SERF2: variants seen among roughly 807,000 people sequenced by gnomAD.
SERF2 encodes gastric cancer-related protein VRG107.
In SERF2, 4 loss-of-function variants were observed where a neutral mutation model predicts 10.7. That is an observed-to-expected ratio of 0.37 (90% CI 0.18 to 0.86). SERF2 has a LOEUF of 0.86. Among genes scored for constraint, SERF2 ranks in the 40% least tolerant of loss-of-function variants. The pLI is 0.43. For synonymous variants in SERF2, 26 were observed against 26.0 expected (o/e 1.00, Z 0.01); for missense variants, 47 against 79.1 (o/e 0.59, Z 1.54).
chr15:43,787,955 A>G (rs149805408), upstream of SERF2, among the ~76,000 whole-genome samples: 270 of 148,104 alleles, frequency 1.8e-3, 2 homozygotes, highest in African/African-American at 6.5e-3. Flanking sequence ...GCTCACTGCA[A>G]CCTCCTCCTC....
At position 43,793,964 on chromosome 15, in the gene SERF2, C is replaced by T. The variant is rs756987277; in HGVS notation, c.*191C>T. ...AGCCTCTCTCCCCCTGGGCCACTCC[C>T]GGGGGTGAGGGGGTTACCCCTTCCC... On this transcript the variant is annotated 3_prime_UTR_variant, in exon 3 of 3. Transcript: ENST00000249786. The T allele has an allele frequency of 1.3e-5, 20 of 1,541,358 alleles. No individual in the cohort carries two copies. Among genetic ancestry groups the T allele is most frequent in the Non-Finnish European group, 1.6e-5 (18 of 1,142,738 alleles).
At chr15:43,792,721 G>T in intron 1 of SERF2, 1 of 970,942 alleles carries the variant, frequency 1.0e-6, no homozygotes, top group Non-Finnish European at 1.5e-6. Flanking sequence ...CAGCTGTTTG[G>T]GCCCCACGCC....
chr15:43,779,493 A>C (rs1370607665), intron 1 of SERF2, among the ~76,000 whole-genome samples: 1 of 152,026 alleles, frequency 6.6e-6, no homozygotes, highest in East Asian at 1.9e-4. Flanking sequence ...TTACATATTT[A>C]TTTATTTATT....
chr15:43,792,845 G>C (rs2087099809), intron 1 of SERF2, 130 bp from the exon 2 acceptor site: 2 of 744,318 alleles, frequency 2.7e-6, no homozygotes, highest in Non-Finnish European at 4.4e-6. Flanking sequence ...CCTGGGCCTC[G>C]ATGGGCCGTT....
intron 1 of SERF2, 163 bp from the exon 2 acceptor site, chr15:43,792,812 C>G: frequency 1.5e-6 from 1 of 674,754 alleles, no homozygotes; most frequent in Non-Finnish European, 2.5e-6. Context: ...GGCAGATTCG[C>G]CACTCCCCCC....
intron 1 of SERF2, among the ~76,000 whole-genome samples, chr15:43,781,894 CTTT>C (rs34126146): frequency 1.9e-5 from 1 of 53,220 alleles, no homozygotes; most frequent in Non-Finnish European, 7.2e-5. Context: ...ACTTCTTCTT[CTTT>C]TTTTTTTTTT....
At chr15:43,793,578 T>TG (rs1339761501) in intron 2 of SERF2, 132 bp from the exon 3 acceptor site, 1 of 1,559,500 alleles carries the variant, frequency 6.4e-7, no homozygotes, top group Non-Finnish European at 8.7e-7. Context: ...TCTCCTAGGG[T>TG]GGGAGTACAG....
intron 1 of SERF2, among the ~76,000 whole-genome samples, chr15:43,780,017 C>A (rs1272871277): frequency 6.6e-6 from 1 of 152,098 alleles, no homozygotes; most frequent in African/African-American, 2.4e-5. Context: ...GCTGTTAGAT[C>A]TTTAATACAT....
At chr15:43,784,148 TTGG>T (rs973916577) in intron 1 of SERF2, among the ~76,000 whole-genome samples, 3 of 152,036 alleles carry the variant, frequency 2.0e-5, no homozygotes, top group Admixed American at 2.0e-4. Flanking sequence ...TCTCAAAGTC[TTGG>T]TCTCAAGTGA....
intron 2 of SERF2, 93 bp downstream of exon 2, chr15:43,793,176 T>C: frequency 1.3e-6 from 1 of 780,748 alleles, no homozygotes; most frequent in Non-Finnish European, 2.2e-6. Context: ...GGCTTGAATG[T>C]GGACTAGTCG....
At chr15:43,784,625 C>G (rs1256463443) in intron 1 of SERF2, among the ~76,000 whole-genome samples, 2 of 152,012 alleles carry the variant, frequency 1.3e-5, no homozygotes, top group East Asian at 1.9e-4. Flanking sequence ...CCCGCCACTG[C>G]GCCCAGCTAA....
intron 1 of SERF2, among the ~76,000 whole-genome samples, chr15:43,778,563 C>T (rs1019646486): frequency 5.1e-5 from 5 of 97,716 alleles, no homozygotes; most frequent in African/African-American, 1.7e-4. Flanking sequence ...AGGCCAGGCG[C>T]GCTGGCAGAT....
At chr15:43,793,458 C>A in intron 2 of SERF2, 1 of 1,058,968 alleles carries the variant, frequency 9.4e-7, no homozygotes, top group South Asian at 1.7e-5. Context: ...GGGTGTGGTC[C>A]TCAATACAGA....
At chr15:43,783,156 C>T (rs561888443) in intron 1 of SERF2, among the ~76,000 whole-genome samples, 8 of 151,662 alleles carry the variant, frequency 5.3e-5, no homozygotes, top group Non-Finnish European at 8.8e-5. Context: ...TACAGGCATA[C>T]GCCACCACAC....
chr15:43,786,913 C>A (rs1596035166), intron 2 of SERF2, among the ~76,000 whole-genome samples: 1 of 152,086 alleles, frequency 6.6e-6, no homozygotes, highest in East Asian at 1.9e-4. Context: ...TCTGATCAGG[C>A]TAATTTAGGC....
chr15:43,780,421 C>T (rs1174437324), intron 1 of SERF2, among the ~76,000 whole-genome samples: 2 of 152,208 alleles, frequency 1.3e-5, no homozygotes, highest in Admixed American at 6.5e-5. Flanking sequence ...GGATTACAGG[C>T]GTCAGCCACC....
intron 2 of SERF2, among the ~76,000 whole-genome samples, chr15:43,787,137 C>T (rs2087014439): frequency 6.6e-6 from 1 of 151,482 alleles, no homozygotes; most frequent in Non-Finnish European, 1.5e-5. Context: ...GTAGCTGGGA[C>T]TACAGGCGCC....
Position 43,794,750 on chromosome 15 carries a change from T to C in SERF2, c.*977T>C. 1 of 463,100 alleles carries C rather than the reference T, an allele frequency of 2.2e-6. No individual in the cohort carries two copies. The highest frequency in any genetic ancestry group is 3.5e-5 in the East Asian group (1 of 28,698). The allele number at this position is 463,100 out of a possible 1,614,324, so 28.7% of individuals were successfully genotyped here. A position where few individuals can be genotyped will look rare whatever the true frequency, so the allele number is the denominator to read the frequency against. ...TGTCTGCTGGGATCAGCGGTGGTTC[T>C]TTGAGCTGCTGATTTGGGTGTTAGG... On this transcript the variant is annotated 3_prime_UTR_variant, in exon 3 of 3. Coordinates refer to ENST00000249786, the MANE Select transcript of SERF2 (RefSeq NM_001018108.4).
At chr15:43,792,291 G>T, upstream of SERF2, 5 of 1,184,292 alleles carry the variant, frequency 4.2e-6, no homozygotes, top group Non-Finnish European at 6.3e-6. Context: ...GAACGACTGT[G>T]CTACGTTGCC....
Sources: gnomAD v4.1 joint callset for allele counts (sites outside exome capture counted in the v4.1 genomes callset) on GRCh38, gnomAD v4.1.1 for gene constraint, MANE v1.5 for transcripts, NCBI Gene and HGNC (gene_info 2026-07-23, HGNC 2026-07-21) for gene names.